The following CLOCK variants were observed in gnomAD, a reference collection of about 807,000 sequenced individuals.
CLOCK encodes the protein circadian locomoter output cycles protein kaput.
A neutral mutation model predicts 118.4 loss-of-function variants in CLOCK; 43 were observed. The observed-to-expected ratio is 0.36, with a 90% CI of 0.28 to 0.47. The LOEUF (loss-of-function observed/expected upper bound fraction) is 0.47. CLOCK is among the 20% of genes least tolerant of loss of function. CLOCK has a pLI of 1.00. For missense variants in CLOCK, 846 were observed against 999.9 expected (o/e 0.85, Z 2.08); for synonymous variants, 326 against 339.2 (o/e 0.96, Z 0.43).
At chr4:55,499,572 A>G (rs1168909857) in intron 2 of CLOCK, among the ~76,000 whole-genome samples, 1 of 152,234 alleles carries the variant, frequency 6.6e-6, no homozygotes, top group African/African-American at 2.4e-5. Context: ...GCTGCTACTG[A>G]TATGACAGGA....
intron 1 of CLOCK, among the ~76,000 whole-genome samples, chr4:55,510,395 G>A (rs192073186): frequency 3.9e-5 from 6 of 152,290 alleles, no homozygotes; most frequent in African/African-American, 1.4e-4. Flanking sequence ...GGGAGGCCGA[G>A]GCAGGCAGAT....
Position 55,482,743 on chromosome 4 carries a change from C to A in CLOCK, c.43G>T (p.Asp15Tyr). The A allele has an allele frequency of 6.2e-7, 1 of 1,605,422 alleles. No homozygotes were observed. Among genetic ancestry groups the A allele is most frequent in the Non-Finnish European group, 8.5e-7 (1 of 1,175,044 alleles). ...AATAAGTCTTCAAAAACATACCTGT[C>A]AACAATCGAGCTCATTTTACTACAG... ...VSCSKMSSIVDRDDSSIFDGL... is the reference protein window; with the variant it reads ...VSCSKMSSIVYRDDSSIFDGL... The change falls in exon 4 of 23, where the codon GAC (aspartate) becomes TAC (tyrosine). Residue 15 changes from aspartate (D) to tyrosine (Y), a missense_variant. By Grantham distance (160) the Asp-to-Tyr change is radical (BLOSUM62 -3). This residue lies in a region of CLOCK where 246 missense variants were observed against 300.2 expected (regional missense o/e 0.82). Coordinates refer to ENST00000513440, the MANE Select transcript of CLOCK (RefSeq NM_004898.4).
At chr4:55,482,322 T>A (rs1355618203) in intron 4 of CLOCK, among the ~76,000 whole-genome samples, 1 of 152,206 alleles carries the variant, frequency 6.6e-6, no homozygotes, top group Non-Finnish European at 1.5e-5. Flanking sequence ...GAGTATGATG[T>A]AAAGATTACA....
At chr4:55,458,322 A>G (rs1212947437) in intron 11 of CLOCK, among the ~76,000 whole-genome samples, 1 of 152,012 alleles carries the variant, frequency 6.6e-6, no homozygotes, top group East Asian at 1.9e-4. Flanking sequence ...TTGCTCTCCC[A>G]AAGTGCTGGG....
Position 55,470,874 on chromosome 4 carries a change from T to G in CLOCK, c.349-68A>C. 1.2e-5 allele frequency: 13 copies of G among 1,098,210 alleles called. No homozygotes were observed. The South Asian group carries it at 1.7e-4, about 15-fold the overall frequency. The allele number at this position is 1,098,210 out of a possible 1,614,324, so 68.0% of individuals were successfully genotyped here. A position where few individuals can be genotyped will look rare whatever the true frequency, so the allele number is the denominator to read the frequency against. ...TATTTTGCAGGACAGAAATAAAAAT[T>G]TGAGATAAATGACAAAGGATTTAAT... On this transcript the variant is annotated intron_variant, in intron 7 of 22. Coordinates refer to ENST00000513440, the MANE Select transcript of CLOCK (RefSeq NM_004898.4).
intron 18 of CLOCK, among the ~76,000 whole-genome samples, chr4:55,446,202 T>TC (rs1486683123): frequency 2.0e-5 from 3 of 147,378 alleles, no homozygotes; most frequent in Non-Finnish European, 3.0e-5. Flanking sequence ...CAAGCAATCC[T>TC]CCCACTTCAG....
intron 20 of CLOCK, among the ~76,000 whole-genome samples, 195 bp downstream of exon 20, chr4:55,443,492 A>G (rs1723539973): frequency 6.6e-6 from 1 of 152,076 alleles, no homozygotes; most frequent in Non-Finnish European, 1.5e-5. Context: ...AAAAAAAGAA[A>G]AAAAAAAGCT....
At chr4:55,435,656 T>C in intron 22 of CLOCK, 62 bp from the exon 23 acceptor site, 1 of 1,521,490 alleles carries the variant, frequency 6.6e-7, no homozygotes, top group Non-Finnish European at 9.1e-7. Context: ...ACATAATAGT[T>C]ACTCACACTC....
chr4:55,506,766 G>A (rs931088639), intron 2 of CLOCK, among the ~76,000 whole-genome samples: 7 of 151,986 alleles, frequency 4.6e-5, no homozygotes, highest in Admixed American at 1.3e-4. Flanking sequence ...TTACCACGCT[G>A]GCCAGGCTGG....
At chr4:55,503,564 A>C (rs1363272157) in intron 2 of CLOCK, among the ~76,000 whole-genome samples, 1 of 152,188 alleles carries the variant, frequency 6.6e-6, no homozygotes, top group East Asian at 1.9e-4. Flanking sequence ...CTCAGGATTT[A>C]TGCACTTTAT....
chr4:55,441,546 A>T (rs1329977869), intron 21 of CLOCK, among the ~76,000 whole-genome samples: 1 of 152,236 alleles, frequency 6.6e-6, no homozygotes, highest in Non-Finnish European at 1.5e-5. Flanking sequence ...CCTACTACTC[A>T]GCCATAAAAA....
chr4:55,434,623 A>T lies in CLOCK; in HGVS notation c.*792T>A, dbSNP rs1050649088. The T allele has an allele frequency of 1.3e-5, 2 of 152,594 alleles. No homozygotes were observed. Among genetic ancestry groups the T allele is most frequent in the Non-Finnish European group, 2.9e-5 (2 of 68,058 alleles). The allele number at this position is 152,594 out of a possible 1,614,324, so 9.5% of individuals were successfully genotyped here. Reference sequence around the variant, plus strand: ...AAAAATCCATTCCCAGCAGCACATCATACCTCACTGAACAAACTGTGACAT... The same window carrying T: ...AAAAATCCATTCCCAGCAGCACATCTTACCTCACTGAACAAACTGTGACAT... On this transcript the variant is annotated 3_prime_UTR_variant, in exon 23 of 23. Coordinates refer to ENST00000513440, the MANE Select transcript of CLOCK (RefSeq NM_004898.4).
Position 55,450,144 on chromosome 4 carries a change from G to C in CLOCK, c.1295C>G (p.Ala432Gly). 1 of 1,614,052 alleles carries C rather than the reference G, an allele frequency of 6.2e-7. No homozygotes were observed. Among genetic ancestry groups the C allele is most frequent in the Admixed American group, 1.7e-5 (1 of 60,008 alleles). ...ERFDHSPTPS[A>G]SSRSSRKSSH... is the part of the protein sequence containing the mutation. ...TGATTTTCTTGAACTCCGAGAAGAG[G>C]CAGAAGGGGTTGGGCTGTGATCAAA... Residue 432 changes from alanine (A) to glycine (G), a missense_variant, in exon 16 of 23, where the codon GCC becomes GGC. Transcript: ENST00000513440.
intron 6 of CLOCK, among the ~76,000 whole-genome samples, chr4:55,478,564 T>C (rs573917074): frequency 5.9e-5 from 9 of 152,302 alleles, no homozygotes; most frequent in South Asian, 2.1e-4. Flanking sequence ...TGTGCTTACA[T>C]GTTTGTCTGC....
intron 2 of CLOCK, among the ~76,000 whole-genome samples, chr4:55,493,516 T>A (rs1248615998): frequency 1.3e-5 from 2 of 152,354 alleles, no homozygotes; most frequent in East Asian, 3.9e-4. Flanking sequence ...AACTTGCTTC[T>A]GCAGATTACT....
Position 55,433,944 on chromosome 4 carries a change from T to C in CLOCK, c.*1471A>G, listed in dbSNP as rs977560355. 4 of 152,276 alleles carry C rather than the reference T, an allele frequency of 2.6e-5. No homozygotes were observed. Among genetic ancestry groups the C allele is most frequent in the African/African-American group, 9.6e-5 (4 of 41,462 alleles). 9.4% of individuals were successfully genotyped at this position (152,276 alleles called of 1,614,324 possible). ...CAAATATTTCTGGTAAATTCTTAAA[T>C]GACTAAAGAAAAATGCTGATTTAGG... is the stretch of plus-strand genomic sequence containing the variant. On this transcript the variant is annotated 3_prime_UTR_variant, in exon 23 of 23. Transcript: ENST00000513440.
intron 2 of CLOCK, chr4:55,501,609 G>T (rs1322042039): frequency 6.6e-6 from 1 of 152,078 alleles, no homozygotes; most frequent in African/African-American, 2.4e-5. Context: ...AATTTGTCAA[G>T]TGCAGTAGTG....
chr4:55,448,601 CGTGTGTGTGTGTGTGTGTGTGT>C (rs3034980), intron 18 of CLOCK, among the ~76,000 whole-genome samples, 156 bp downstream of exon 18: 8 of 117,038 alleles, frequency 6.8e-5, no homozygotes, highest in African/African-American at 1.2e-4. Flanking sequence ...CGCACGCGCG[CGTGTGTGTGTGTGTGTGTGTGT>C]GTGTGTGTGT....
chr4:55,463,367 C>T (rs1167355254), intron 9 of CLOCK, among the ~76,000 whole-genome samples: 1 of 151,858 alleles, frequency 6.6e-6, no homozygotes, highest in African/African-American at 2.4e-5. Flanking sequence ...TTATTAAATA[C>T]AGTAAAGTTT....
Sources: gnomAD v4.1 joint callset for allele counts (sites outside exome capture counted in the v4.1 genomes callset) on GRCh38, gnomAD v4.1.1 for gene constraint, gnomAD v4.1.1 regional missense constraint, MANE v1.5 for transcripts, NCBI Gene and HGNC (gene_info 2026-07-23, HGNC 2026-07-21) for gene names.